Variants in DPP6 observed in about 807,000 individuals in gnomAD.
DPP6 encodes dipeptidyl peptidase like 6.
A neutral mutation model predicts 122.6 loss-of-function variants in DPP6; 69 were observed. That is an observed-to-expected ratio of 0.56 (90% CI 0.46 to 0.69). The LOEUF is 0.69. Ranked by LOEUF, DPP6 falls within the 30% of genes least tolerant of loss-of-function variation. DPP6 has a pLI of 0.00. For missense variants in DPP6, 928 were observed against 1,116.9 expected, an observed-to-expected ratio of 0.83 and a Z score of 2.41; for synonymous variants, 418 against 433.1, an observed-to-expected ratio of 0.97 and a Z score of 0.43.
chr7:154,263,553 G>T (rs917456203), intron 1 of DPP6, among the ~76,000 whole-genome samples: 5 of 152,200 alleles, frequency 3.3e-5, no homozygotes, highest in African/African-American at 1.2e-4. Context: ...AGGTTTCCAT[G>T]AGAAGTGGGT....
intron 1 of DPP6, among the ~76,000 whole-genome samples, chr7:154,318,775 C>G (rs969505500): frequency 5.3e-5 from 8 of 152,098 alleles, no homozygotes; most frequent in Non-Finnish European, 7.4e-5. Context: ...CATTTGTGTT[C>G]CCACCTTCCC....
chr7:154,844,463 G>A lies in DPP6; in HGVS notation c.1667-9317G>A, dbSNP rs75428129. Among the ~76,000 whole-genome samples, 34 of 152,370 alleles carry A rather than the reference G, an allele frequency of 2.2e-4. No homozygotes were observed. The East Asian group carries it at 6.0e-3, about 27-fold the overall frequency. On this transcript the variant is annotated intron_variant, in intron 16 of 25. Transcript: ENST00000377770. ...CTGGCCAAAGTAGCACAAATTTTGAGTATCTGATTCCTAATTAGGATTCTG... is the reference window on the plus strand; with the variant it reads ...CTGGCCAAAGTAGCACAAATTTTGAATATCTGATTCCTAATTAGGATTCTG...
intron 2 of DPP6, among the ~76,000 whole-genome samples, chr7:154,471,896 A>G (rs954962712): frequency 1.3e-5 from 2 of 152,234 alleles, no homozygotes; most frequent in Non-Finnish European, 2.9e-5. Context: ...AGATATTAAA[A>G]TGTAATTATT....
At chr7:153,887,643 C>T (rs761134135) in exon 1 of DPP6, 11 of 1,611,970 alleles carry the variant, frequency 6.8e-6, no homozygotes, top group South Asian at 5.5e-5. Context: ...GATTAAGTTT[C>T]TCTTCCCTGG....
chr7:154,477,025 A>G (rs368138192), intron 3 of DPP6, among the ~76,000 whole-genome samples: 1 of 151,958 alleles, frequency 6.6e-6, no homozygotes, highest in Non-Finnish European at 1.5e-5. Flanking sequence ...GCTGCGGTTA[A>G]CTGTAATCAT....
At chr7:154,429,425 G>A (rs1818177710) in intron 1 of DPP6, among the ~76,000 whole-genome samples, 1 of 152,176 alleles carries the variant, frequency 6.6e-6, no homozygotes, top group South Asian at 2.1e-4. Flanking sequence ...CTCATGTATT[G>A]GAAAGCACAG....
In DPP6 at chr7:154,481,346, G is replaced by GTGT. The variant is rs58430009; in HGVS notation, c.457+6309_457+6310insTGT. 0.13 allele frequency among the ~76,000 whole-genome samples: 19,620 copies of GTGT among 147,852 alleles called. 1,422 individuals are homozygous for GTGT. The highest frequency in any genetic ancestry group is 0.21 in the South Asian group (979 of 4,700). ...ATACACTTGGAGAGAGAGAGAGAGG[G>GTGT]GTGTGTGTGTGTGTGTGTGTGTGTG... is the stretch of plus-strand genomic sequence containing the variant. On this transcript the variant is annotated intron_variant, in intron 3 of 25. Transcript: ENST00000377770. The surrounding 1 kb of genome is among the most constrained non-coding windows in gnomAD (Gnocchi z 4.2).
intron 3 of DPP6, among the ~76,000 whole-genome samples, chr7:154,501,329 T>G (rs1170295028): frequency 6.6e-6 from 1 of 152,122 alleles, no homozygotes; most frequent in Admixed American, 6.5e-5. Context: ...AGTAAAATGT[T>G]AATTCCCAAG....
intron 7 of DPP6, among the ~76,000 whole-genome samples, chr7:154,716,280 C>T (rs941820237): frequency 1.3e-5 from 2 of 151,884 alleles, no homozygotes; most frequent in African/African-American, 4.8e-5. Context: ...AGGCTTCTCC[C>T]ACCTGGAACA....
chr7:153,997,780 C>G (rs1357556898), intron 1 of DPP6, among the ~76,000 whole-genome samples: 6 of 149,378 alleles, frequency 4.0e-5, no homozygotes, highest in Admixed American at 3.3e-4. Flanking sequence ...TGTTCGGGTG[C>G]TGGGGTTATA....
At chr7:154,101,704 G>A (rs1805737103) in intron 1 of DPP6, among the ~76,000 whole-genome samples, 1 of 151,568 alleles carries the variant, frequency 6.6e-6, no homozygotes, top group African/African-American at 2.4e-5. Context: ...GAGGCGGGCG[G>A]ATCACCTGAG....
At chr7:154,788,297 A>G (rs2150415669) in intron 10 of DPP6, among the ~76,000 whole-genome samples, 1 of 152,164 alleles carries the variant, frequency 6.6e-6, no homozygotes, top group South Asian at 2.1e-4. Flanking sequence ...TACAAAAATA[A>G]GCCGGGCGTG....
intron 12 of DPP6, among the ~76,000 whole-genome samples, chr7:154,800,991 A>C (rs1366038091): frequency 6.6e-6 from 1 of 152,076 alleles, no homozygotes; most frequent in African/African-American, 2.4e-5. Flanking sequence ...ATGGGCAATA[A>C]TTCAAGGAGG....
chr7:153,807,653 G>A, the DPP6 span, among the ~76,000 whole-genome samples: 1 of 151,842 alleles, frequency 6.6e-6, no homozygotes, highest in African/African-American at 2.4e-5. Context: ...GTGGAATGTT[G>A]TGATGAATTA....
chr7:154,233,742 C>T (rs1008205861), intron 1 of DPP6, among the ~76,000 whole-genome samples: 2 of 152,224 alleles, frequency 1.3e-5, no homozygotes, highest in African/African-American at 4.8e-5. Flanking sequence ...TGATCTCAGA[C>T]GTCTTGTCTC....
At chr7:154,287,614 A>G (rs1804939459) in intron 1 of DPP6, among the ~76,000 whole-genome samples, 1 of 152,226 alleles carries the variant, frequency 6.6e-6, no homozygotes. Context: ...TGCGAGCTGC[A>G]GAGGGCCAGG....
chr7:154,727,632 G>T (rs1842127803), intron 7 of DPP6, 135 bp from the exon 8 acceptor site: 1 of 1,232,982 alleles, frequency 8.1e-7, no homozygotes, highest in Non-Finnish European at 1.1e-6. Flanking sequence ...CAAGAATTTT[G>T]AGACTGCCTT....
At chr7:154,685,457 G>A (rs1168324953) in intron 7 of DPP6, among the ~76,000 whole-genome samples, 1 of 152,132 alleles carries the variant, frequency 6.6e-6, no homozygotes, top group Admixed American at 6.5e-5. Flanking sequence ...TGGGCGTCAG[G>A]GTATTTGAAA....
At chr7:154,029,931 C>G (rs1166083880) in intron 1 of DPP6, among the ~76,000 whole-genome samples, 1 of 152,092 alleles carries the variant, frequency 6.6e-6, no homozygotes, top group Non-Finnish European at 1.5e-5. Context: ...CACGGTGGCT[C>G]ACGCCTGTAA....
Sources: gnomAD v4.1 joint callset for allele counts (sites outside exome capture counted in the v4.1 genomes callset) on GRCh38, gnomAD v4.1.1 for gene constraint, Gnocchi (gnomAD v3.1) non-coding constraint, MANE v1.5 for transcripts, NCBI Gene and HGNC (gene_info 2026-07-23, HGNC 2026-07-21) for gene names.